The following CALHM2 variants were observed in gnomAD, a reference collection of about 807,000 sequenced individuals.
The protein encoded by CALHM2 is calcium homeostasis modulator family member 2.
CALHM2 carries 18 observed loss-of-function variants against 20.4 expected under a neutral mutation model. The ratio of observed to expected loss-of-function variants is 0.88; its 90% CI spans 0.61 to 1.31. CALHM2 has a LOEUF of 1.31. Among genes scored for constraint, CALHM2 ranks in the 50% most tolerant of loss-of-function variants. The pLI, the probability that CALHM2 is intolerant of heterozygous loss-of-function variation, is 0.00. For missense variants in CALHM2, 411 were observed against 435.7 expected (o/e 0.94, Z 0.50); for synonymous variants, 193 against 192.1 (o/e 1.00, Z -0.04).
At chr10:103,447,713 T>A in intron 3 of CALHM2, 145 bp from the exon 4 acceptor site, 1 of 687,536 alleles carries the variant, frequency 1.5e-6, no homozygotes, top group Non-Finnish European at 2.3e-6. Context: ...TTACCCCCTT[T>A]AACTCACACT....
chr10:103,449,426 G>C lies in CALHM2; in HGVS notation c.516C>G (p.Phe172Leu), dbSNP rs780632442. Residue 172 changes from phenylalanine to leucine, a missense_variant, in exon 3 of 4, where the codon TTC becomes TTG. Transcript: ENST00000260743. ...TGAGCCTGCGGCTGACCTCCTCCCGGAAGTCTGACAGGTTGTCAGGGTTCT... is the reference window on the plus strand; with the variant it reads ...TGAGCCTGCGGCTGACCTCCTCCCGCAAGTCTGACAGGTTGTCAGGGTTCT... Reference protein sequence around the residue: ...CKENPDNLSDFREEVSRRLRY... With the variant: ...CKENPDNLSDLREEVSRRLRY... The C allele has an allele frequency of 4.2e-5, 67 of 1,613,164 alleles. No individual in the cohort carries two copies. The highest frequency in any genetic ancestry group is 5.7e-5 in the Non-Finnish European group (67 of 1,180,022).
Position 103,449,386 on chromosome 10 carries a change from C to T in CALHM2, c.555+1G>A, listed in dbSNP as rs781441122. 2 of 1,612,178 alleles carry T rather than the reference C, an allele frequency of 1.2e-6. No homozygotes were observed. Among genetic ancestry groups the T allele is most frequent in the Non-Finnish European group, 1.7e-6 (2 of 1,179,814 alleles). On this transcript the variant is annotated splice_donor_variant, in intron 3 of 3. Transcript: ENST00000260743. LOFTEE classifies it high-confidence loss of function. ...GAGCTTCCCTTTGCACAGCTCCTTA[C>T]CTGGGACTCATACCTGAGCCTGCGG... is the stretch of plus-strand genomic sequence containing the variant.
rs778356221 is a variant in CALHM2 at position 103,449,713 on chromosome 10, T to G, written c.229A>C (p.Asn77His). Residue 77 changes from asparagine to histidine, a missense_variant, in exon 3 of 4, where the codon AAC becomes CAC. Asn to His is a moderately conservative substitution (Grantham distance 68). Transcript: ENST00000260743. ...VLFIIGIILN[N>H]HTWNLVAECQ... ...TCGGCCACGAGGTTCCAGGTGTGGT[T>G]GTTGAGGATGATGCCAATGATGAAG... 1.9e-6 allele frequency: 3 copies of G among 1,613,350 alleles called. No homozygotes were observed. The highest frequency in any genetic ancestry group is 2.5e-6 in the Non-Finnish European group (3 of 1,179,978).
Position 103,449,828 on chromosome 10 carries a change from C to T in CALHM2, c.114G>A (p.Leu38=), listed in dbSNP as rs762187778. Residue 38 remains leucine (L), a synonymous_variant, in exon 3 of 4, where the codon CTG becomes CTA. Transcript: ENST00000260743. ...GGCAGTGGAAGGCCACCACAGAGAA[C>T]AGCTCCTGGCTGCCCACCGTGCCCA... The part of the protein sequence containing the change: ...VALGTVGSQE[L]FSVVAFHCPC... 2 of 1,613,356 alleles carry T rather than the reference C, an allele frequency of 1.2e-6. No individual in the cohort carries two copies. The highest frequency in any genetic ancestry group is 1.1e-5 in the South Asian group (1 of 91,068).
chr10:103,449,945 G>A lies in CALHM2; in HGVS notation c.-4C>T, dbSNP rs751016119. On this transcript the variant is annotated 5_prime_UTR_variant, in exon 3 of 4. Transcript: ENST00000260743. ...TCTCTGCGATCAGGGCTGCCATGGC[G>A]ATAGTCGTGGCGGGGTGGATTGCAG... The A allele has an allele frequency of 6.2e-6, 10 of 1,606,374 alleles. No homozygotes were observed. The highest frequency in any genetic ancestry group is 2.2e-5 in the East Asian group (1 of 44,738).
In CALHM2 at chr10:103,449,410, G is replaced by A. The variant is rs1278152148; in HGVS notation, c.532C>T (p.Arg178Cys). The change falls in exon 3 of 4, where the codon CGC (arginine) becomes TGC (cysteine). Residue 178 changes from arginine to cysteine, a missense_variant. Physicochemically the swap from Arg to Cys is radical, Grantham distance 180. Transcript: ENST00000260743. ...ACCTGGGACTCATACCTGAGCCTGC[G>A]GCTGACCTCCTCCCGGAAGTCTGAC... ...NLSDFREEVS[R>C]RLRYESQLFG... 7 of 1,612,976 alleles carry A rather than the reference G, an allele frequency of 4.3e-6. No homozygotes were observed. In the African/African-American group the frequency reaches 6.7e-5, roughly 15 times the overall value.
chr10:103,449,646 G>C lies in CALHM2; in HGVS notation c.296C>G (p.Thr99Ser), dbSNP rs1196655132. The change falls in exon 3 of 4, where the codon ACC (threonine) becomes AGC (serine). Residue 99 changes from threonine (T) to serine (S), a missense_variant. Coordinates refer to ENST00000260743, the MANE Select transcript of CALHM2 (RefSeq NM_015916.5). ...CAGGATGGAGCTTAGAAGGAGGAAG[G>C]TGGGGGCGGCGGAGCAGTTCTTGGT... ...RRTKNCSAAP[T>S]FLLLSSILGR... 3.7e-6 allele frequency: 6 copies of C among 1,613,952 alleles called. No individual in the cohort carries two copies. The South Asian group carries it at 6.6e-5, about 18-fold the overall frequency.
At chr10:103,448,358 G>A (rs1230601489) in intron 3 of CALHM2, among the ~76,000 whole-genome samples, 1 of 151,364 alleles carries the variant, frequency 6.6e-6, no homozygotes, top group East Asian at 2.0e-4. Flanking sequence ...TATTGGCCAG[G>A]CTGGTCTCGA....
chr10:103,449,297 G>T (rs543041989), intron 3 of CALHM2, 90 bp downstream of exon 3: 259 of 1,186,672 alleles, frequency 2.2e-4, no homozygotes, highest in Non-Finnish European at 3.1e-4. Context: ...AGCCCCTGAG[G>T]ACCAACCCCA....
chr10:103,449,258 C>G, intron 3 of CALHM2, 129 bp downstream of exon 3: 1 of 810,712 alleles, frequency 1.2e-6, no homozygotes, highest in Non-Finnish European at 2.1e-6. Flanking sequence ...AGCCCTGATA[C>G]CTAACGCTAG....
rs1438512804 is a variant in CALHM2 at position 103,451,086 on chromosome 10, G to C, written c.-162C>G. On this transcript the variant is annotated 5_prime_UTR_variant, in exon 2 of 4. Coordinates refer to ENST00000260743, the MANE Select transcript of CALHM2 (RefSeq NM_015916.5). ...TTTTTTTCTGTCTCCTACTGACCTTGCCGTGTCCATCCACGGGTGTCCCGA... is the reference window on the plus strand; with the variant it reads ...TTTTTTTCTGTCTCCTACTGACCTTCCCGTGTCCATCCACGGGTGTCCCGA... 1 of 152,266 alleles carries C rather than the reference G, an allele frequency of 6.6e-6. No homozygotes were observed. Among genetic ancestry groups the C allele is most frequent in the Non-Finnish European group, 1.5e-5 (1 of 68,086 alleles). 9.4% of individuals were successfully genotyped at this position (152,266 alleles called of 1,614,324 possible). A position where few individuals can be genotyped will look rare whatever the true frequency, so the allele number is the denominator to read the frequency against.
At position 103,449,644 on chromosome 10, in the gene CALHM2, A is replaced by G. The variant is rs768085789; in HGVS notation, c.298T>C (p.Phe100Leu). 4 of 1,613,888 alleles carry G rather than the reference A, an allele frequency of 2.5e-6. No homozygotes were observed. Among genetic ancestry groups the G allele is most frequent in the East Asian group, 4.5e-5 (2 of 44,880 alleles). The change falls in exon 3 of 4, where the codon TTC becomes CTC. Residue 100 changes from phenylalanine (F) to leucine (L), a missense_variant. Physicochemically the swap from Phe to Leu is conservative, Grantham distance 22. Transcript: ENST00000260743. ...RTKNCSAAPTFLLLSSILGRA... is the reference protein window; with the variant it reads ...RTKNCSAAPTLLLLSSILGRA... ...CCCAGGATGGAGCTTAGAAGGAGGA[A>G]GGTGGGGGCGGCGGAGCAGTTCTTG...
In CALHM2 at chr10:103,447,455, G is replaced by C; in HGVS notation, c.669C>G (p.Tyr223Ter). ...GGAACAGCTGGTCCTCATTGGCGCGGTACTGCGCCCAGTAGGCCTCCTGGC... is the reference window on the plus strand; with the variant it reads ...GGAACAGCTGGTCCTCATTGGCGCGCTACTGCGCCCAGTAGGCCTCCTGGC... ...SYRQEAYWAQ[Y>*]RANEDQLFQR... is the part of the protein sequence containing the mutation. The change falls in exon 4 of 4, where the codon TAC (tyrosine) becomes TAG (stop). Residue 223 changes from tyrosine to a stop codon, truncating the protein, a stop_gained. Transcript: ENST00000260743. LOFTEE classifies it high-confidence loss of function. 6.2e-7 allele frequency: 1 copy of C among 1,614,164 alleles called. No individual in the cohort carries two copies. Among genetic ancestry groups the C allele is most frequent in the South Asian group, 1.1e-5 (1 of 91,088 alleles).
intron 3 of CALHM2, 190 bp downstream of exon 3, chr10:103,449,197 G>C (rs764222513): frequency 3.2e-6 from 2 of 621,006 alleles, no homozygotes; most frequent in Non-Finnish European, 2.9e-6. Flanking sequence ...TGATAAAACT[G>C]TCTTATTTGT....
rs186431172 is a variant in CALHM2, at chr10:103,448,462, T to C, written c.556-894A>G. ...GCCCAGCCTCTGTTTACATTTCTTA[T>C]TTACCTATTGAAGAAACCTTTTAGA... On this transcript the variant is annotated intron_variant, in intron 3 of 3. Coordinates refer to ENST00000260743, the MANE Select transcript of CALHM2 (RefSeq NM_015916.5). 1.5e-3 allele frequency among the ~76,000 whole-genome samples: 228 copies of C among 151,982 alleles called. 2 individuals carry two copies. The highest frequency in any genetic ancestry group is 6.9e-3 in the South Asian group (33 of 4,810).
In CALHM2 at chr10:103,447,406, G is replaced by T; in HGVS notation, c.718C>A (p.Arg240=). 5 of 1,614,172 alleles carry T rather than the reference G, an allele frequency of 3.1e-6. No individual in the cohort carries two copies. Among genetic ancestry groups the T allele is most frequent in the Non-Finnish European group, 4.2e-6 (5 of 1,180,000 alleles). ...LFQRTAEVHS[R]VLAANNVRRF... is the part of the protein sequence containing the mutation. ...CGCACATTGTTGGCAGCGAGCACCC[G>T]AGAGTGCACCTCGGCCGTGCGCTGG... Residue 240 remains arginine, a synonymous_variant, in exon 4 of 4, where the codon CGG becomes AGG. Coordinates refer to ENST00000260743, the MANE Select transcript of CALHM2 (RefSeq NM_015916.5).
intron 2 of CALHM2, 96 bp from the exon 3 acceptor site, chr10:103,450,195 G>C: frequency 1.9e-6 from 1 of 539,408 alleles, no homozygotes. Context: ...AAGGACCATA[G>C]GGCCCCAGGG....
chr10:103,450,127 T>A, intron 2 of CALHM2, 28 bp from the exon 3 acceptor site: 1 of 606,622 alleles, frequency 1.6e-6, no homozygotes, highest in Non-Finnish European at 2.9e-6. Context: ...GATAAGTGTT[T>A]CCCTCTGAAA....
At chr10:103,451,824 G>C (rs1375165633) in intron 1 of CALHM2, 1 of 152,610 alleles carries the variant, frequency 6.6e-6, no homozygotes, top group Non-Finnish European at 1.5e-5. Flanking sequence ...CTCCTAATTA[G>C]CTCCCTGTGG....
Sources: allele counts gnomAD v4.1 joint callset (sites outside exome capture counted in the v4.1 genomes callset), GRCh38; gene constraint gnomAD v4.1.1; transcripts MANE v1.5; gene names NCBI Gene and HGNC (gene_info 2026-07-23, HGNC 2026-07-21).